The following CASP6 variants were observed in gnomAD, a reference collection of about 807,000 sequenced individuals.
CASP6 encodes caspase-6.
A neutral mutation model predicts 31.8 loss-of-function variants in CASP6; 20 were observed. The ratio of observed to expected loss-of-function variants is 0.63; its 90% confidence interval spans 0.44 to 0.91. CASP6 has a LOEUF of 0.91. CASP6 is among the 40% of genes least tolerant of loss of function. The pLI is 0.00. For missense variants in CASP6, 328 were observed against 361.1 expected (o/e 0.91, Z 0.74); for synonymous variants, 130 against 127.8 (o/e 1.02, Z -0.12).
At chr4:109,665,481 G>GCAAACTATAC in the CASP6 span, among the ~76,000 whole-genome samples, 1 of 152,094 alleles carries the variant, frequency 6.6e-6, no homozygotes, top group Non-Finnish European at 1.5e-5. Flanking sequence ...ATAGGGCCAG[G>GCAAACTATAC]CAAACTCTAC....
intron 4 of CASP6, 135 bp downstream of exon 4, chr4:109,696,275 C>CAT: frequency 1.7e-6 from 1 of 575,230 alleles, no homozygotes; most frequent in South Asian, 3.0e-5. Flanking sequence ...AGCAGCATAC[C>CAT]CAAAACCTGT....
At chr4:109,684,283 CG>C (rs1361335476), downstream of CASP6, among the ~76,000 whole-genome samples, 1 of 152,080 alleles carries the variant, frequency 6.6e-6, no homozygotes, top group African/African-American at 2.4e-5. Flanking sequence ...AGGATGGTCT[CG>C]ATCTCCTGAC....
chr4:109,676,147 A>G, the CASP6 span, among the ~76,000 whole-genome samples: 1 of 152,240 alleles, frequency 6.6e-6, no homozygotes, highest in South Asian at 2.1e-4. Flanking sequence ...CAGAGTGTTA[A>G]GGACAATTCT....
chr4:109,684,335 T>G (rs1579100646), downstream of CASP6: 5 of 782,292 alleles, frequency 6.4e-6, no homozygotes, highest in East Asian at 8.3e-5. Flanking sequence ...GTGCTGAGAT[T>G]ACAGGCGTGA....
chr4:109,686,314 T>C (rs1200437317), downstream of CASP6, among the ~76,000 whole-genome samples: 2 of 152,132 alleles, frequency 1.3e-5, no homozygotes, highest in African/African-American at 2.4e-5. Context: ...ACTTTTTGTA[T>C]TTTTAGTAGA....
At chr4:109,667,218 T>C in the CASP6 span, among the ~76,000 whole-genome samples, 1 of 152,142 alleles carries the variant, frequency 6.6e-6, no homozygotes, top group Non-Finnish European at 1.5e-5. Context: ...CATCTGGACC[T>C]GGTGCTTTCT....
At chr4:109,684,532 ACTGGC>A (rs1293194860), downstream of CASP6, 1 of 1,613,640 alleles carries the variant, frequency 6.2e-7, no homozygotes, top group Admixed American at 1.7e-5. Flanking sequence ...AGGGTGGGGC[ACTGGC>A]CTGGCTCACG....
At chr4:109,709,538 T>G in the CASP6 span, among the ~76,000 whole-genome samples, 1 of 152,228 alleles carries the variant, frequency 6.6e-6, no homozygotes. Context: ...ACAGCTTCTC[T>G]GTGCTCAATG....
intron 5 of CASP6, among the ~76,000 whole-genome samples, chr4:109,691,586 T>A (rs1018306267): frequency 6.6e-6 from 1 of 152,204 alleles, no homozygotes; most frequent in Non-Finnish European, 1.5e-5. Flanking sequence ...TTTAGACTCA[T>A]AATTAACATT....
the CASP6 span, among the ~76,000 whole-genome samples, chr4:109,668,389 C>G: frequency 1.3e-5 from 2 of 152,060 alleles, no homozygotes; most frequent in Non-Finnish European, 2.9e-5. Flanking sequence ...TATGTAATGT[C>G]TCTCTTTACT....
downstream of CASP6, chr4:109,688,220 AGCC>A (rs1167987302): frequency 3.9e-5 from 6 of 152,262 alleles, no homozygotes; most frequent in African/African-American, 1.2e-4. Context: ...AACTTTCTTC[AGCC>A]TCTGGCAGAT....
downstream of CASP6, among the ~76,000 whole-genome samples, chr4:109,687,345 T>C (rs535567081): frequency 2.0e-5 from 3 of 152,216 alleles, no homozygotes; most frequent in South Asian, 6.2e-4. Flanking sequence ...GGTGACAGAA[T>C]GAAACCCCAT....
intron 6 of CASP6, among the ~76,000 whole-genome samples, chr4:109,689,936 G>T (rs1729983192): frequency 6.6e-6 from 1 of 152,132 alleles, no homozygotes; most frequent in African/African-American, 2.4e-5. Context: ...TATAATCCCA[G>T]CACTTTGGGA....
At chr4:109,703,898 G>A (rs900114877), upstream of CASP6, among the ~76,000 whole-genome samples, 22 of 152,106 alleles carry the variant, frequency 1.4e-4, no homozygotes, top group African/African-American at 5.1e-4. Flanking sequence ...CTCGCTTTGT[G>A]TCTCTGTGTC....
upstream of CASP6, chr4:109,703,448 G>A (rs1730497664): frequency 1.8e-5 from 28 of 1,592,512 alleles, no homozygotes; most frequent in South Asian, 2.3e-5. Flanking sequence ...GAAGCCACAG[G>A]CTCCCGGGCC....
the CASP6 span, among the ~76,000 whole-genome samples, chr4:109,674,418 AAAG>A: frequency 6.6e-6 from 1 of 152,334 alleles, no homozygotes; most frequent in East Asian, 1.9e-4. Flanking sequence ...ACTTAGTTCT[AAAG>A]AAGATAACAG....
At chr4:109,680,401 T>C in the CASP6 span, among the ~76,000 whole-genome samples, 1 of 152,172 alleles carries the variant, frequency 6.6e-6, no homozygotes, top group Non-Finnish European at 1.5e-5. Flanking sequence ...ATTCTTTCTT[T>C]AAAACAGTCA....
chr4:109,673,714 G>A, the CASP6 span: 3 of 483,486 alleles, frequency 6.2e-6, no homozygotes, highest in Non-Finnish European at 1.1e-5. Flanking sequence ...AAAATTTGGG[G>A]TATGAAAATT....
rs981685977 is a variant in CASP6, at chr4:109,689,272, C to A, written c.*58G>T. On this transcript the variant is annotated 3_prime_UTR_variant, in exon 7 of 7. Coordinates refer to ENST00000265164, the MANE Select transcript of CASP6 (RefSeq NM_001226.4). ...CTGGGATTACAGGTGTGAGTAACCACGCCTGGCTGAGAAAGCCATTTTCAA... is the reference window on the plus strand; with the variant it reads ...CTGGGATTACAGGTGTGAGTAACCAAGCCTGGCTGAGAAAGCCATTTTCAA... The A allele has an allele frequency of 2.6e-6, 4 of 1,527,224 alleles. No individual in the cohort carries two copies. The African/African-American group carries it at 5.5e-5, about 21-fold the overall frequency. 94.6% of individuals were successfully genotyped at this position (1,527,224 alleles called of 1,614,324 possible).
Sources: allele counts gnomAD v4.1 joint callset (sites outside exome capture counted in the v4.1 genomes callset), GRCh38; gene constraint gnomAD v4.1.1; transcripts MANE v1.5; gene names NCBI Gene and HGNC (gene_info 2026-07-23, HGNC 2026-07-21).